The following EML6 variants were observed in gnomAD, a reference collection of about 807,000 sequenced individuals.
EML6 encodes the protein EMAP like 6, also known as echinoderm microtubule-associated protein-like 6.
In EML6, 154 loss-of-function variants were observed where a neutral mutation model predicts 240.1. That is an observed-to-expected ratio of 0.64 (90% CI 0.56 to 0.73). EML6 has a LOEUF of 0.73. EML6 is among the 30% of genes least tolerant of loss of function. The probability of loss-of-function intolerance (pLI) is 0.00; values close to 1 mark genes in which losing one functional copy is unlikely to be tolerated. For missense variants in EML6, 2,964 were observed against 2,474.6 expected, an observed-to-expected ratio of 1.20 and a Z score of -4.20; for synonymous variants, 1,148 against 899.0, an observed-to-expected ratio of 1.28 and a Z score of -4.95.
In EML6 at chr2:54,928,472, G is replaced by T; in HGVS notation, c.3835G>T (p.Val1279Leu). ...EFVGTQESKL[V>L]DSEESDTDVE... ...TGTGGGGACCCAGGAGAGCAAGCTG[G>T]TGGACAGCGAGGAGTCAGACACCGA... Residue 1279 changes from valine to leucine, a missense_variant, in exon 27 of 42, where the codon GTG (valine) becomes TTG (leucine). Transcript: ENST00000356458. The T allele has an allele frequency of 6.5e-7, 1 of 1,549,264 alleles. No homozygotes were observed. Among genetic ancestry groups the T allele is most frequent in the Non-Finnish European group, 8.7e-7 (1 of 1,145,420 alleles).
chr2:54,825,041 T>A (rs531935674), intron 5 of EML6, among the ~76,000 whole-genome samples: 1 of 152,244 alleles, frequency 6.6e-6, no homozygotes, highest in Non-Finnish European at 1.5e-5. Context: ...GTGGGCCTTA[T>A]ACCATCTGAC....
rs570013054 is a variant in EML6, at chr2:54,886,481, TCTA to T, written c.2439-4572_2439-4570del. The stretch of plus-strand genomic sequence containing the variant: ...CACCGCGTCTGGCCTCTTTCTTTCT[TCTA>T]TTATTCAGCTTCATCTTTTACATTT... On this transcript the variant is annotated intron_variant, in intron 17 of 41. Coordinates refer to ENST00000356458, the MANE Select transcript of EML6 (RefSeq NM_001039753.4). Among the ~76,000 whole-genome samples the T allele has an allele frequency of 2.4e-4, 37 of 152,318 alleles. No individual in the cohort carries two copies. In the South Asian group the frequency reaches 7.5e-3, roughly 31 times the overall value.
intron 2 of EML6, among the ~76,000 whole-genome samples, chr2:54,786,162 A>C (rs998958677): frequency 2.6e-5 from 4 of 151,902 alleles, no homozygotes; most frequent in Non-Finnish European, 4.4e-5. Context: ...GTAGAGGAGG[A>C]GATGGCTGGG....
intron 2 of EML6, among the ~76,000 whole-genome samples, chr2:54,795,208 C>A (rs866946946): frequency 7.2e-5 from 11 of 152,116 alleles, no homozygotes; most frequent in Admixed American, 3.3e-4. Context: ...AATTGACTCA[C>A]ACTTCAGCAT....
intron 2 of EML6, among the ~76,000 whole-genome samples, chr2:54,808,914 C>A (rs1670642983): frequency 6.6e-6 from 1 of 152,198 alleles, no homozygotes; most frequent in Non-Finnish European, 1.5e-5. Context: ...CTCTGCAGTG[C>A]TTTCTATTGC....
chr2:54,830,953 T>C (rs563513612), intron 7 of EML6, among the ~76,000 whole-genome samples: 3 of 152,300 alleles, frequency 2.0e-5, no homozygotes, highest in East Asian at 3.9e-4. Flanking sequence ...TCTACCTCAA[T>C]GTAGGGACAA....
intron 26 of EML6, among the ~76,000 whole-genome samples, chr2:54,926,865 C>T (rs1015215571): frequency 9.9e-5 from 15 of 152,100 alleles, no homozygotes; most frequent in African/African-American, 3.6e-4. Context: ...TTTCTTTTTG[C>T]ATTTTTTCTT....
At chr2:54,828,073 A>G (rs1204481507) in intron 6 of EML6, among the ~76,000 whole-genome samples, 1 of 152,206 alleles carries the variant, frequency 6.6e-6, no homozygotes, top group East Asian at 1.9e-4. Flanking sequence ...TTTCTGGGGA[A>G]TCATGTTAAA....
At position 54,854,980 on chromosome 2, in the gene EML6, T is replaced by G. The variant is rs540870360; in HGVS notation, c.1657+1125T>G. On this transcript the variant is annotated intron_variant, in intron 11 of 41. Coordinates refer to ENST00000356458, the MANE Select transcript of EML6 (RefSeq NM_001039753.4). ...CAGTGGCAACACTACTGGTCTCTAG[T>G]GTCAGAACTTGGGAATAAACATAAC... Among the ~76,000 whole-genome samples the G allele has an allele frequency of 2.6e-5, 4 of 152,344 alleles. No homozygotes were observed. In the South Asian group the frequency reaches 8.3e-4, roughly 32 times the overall value.
Position 54,933,908 on chromosome 2 carries a change from C to G in EML6, c.4004+5157C>G, listed in dbSNP as rs113562036. 7.9e-3 allele frequency among the ~76,000 whole-genome samples: 1,209 copies of G among 152,204 alleles called. 16 individuals are homozygous for G. Among genetic ancestry groups the G allele is most frequent in the African/African-American group, 0.028 (1,142 of 41,506 alleles). On this transcript the variant is annotated intron_variant, in intron 28 of 41. Transcript: ENST00000356458. Reference sequence around the variant, plus strand: ...AGGTCCAGATAAAGCCCCTCATGGTCCTGTGGCTAATGATAATATTAACCA... The same window carrying G: ...AGGTCCAGATAAAGCCCCTCATGGTGCTGTGGCTAATGATAATATTAACCA...
intron 26 of EML6, among the ~76,000 whole-genome samples, chr2:54,924,243 C>G (rs1370232043): frequency 6.6e-6 from 1 of 152,072 alleles, no homozygotes; most frequent in African/African-American, 2.4e-5. Flanking sequence ...TGTAAGAGTT[C>G]CAGTTGCTGA....
At chr2:54,941,491 T>C (rs955916663) in intron 28 of EML6, among the ~76,000 whole-genome samples, 2 of 152,238 alleles carry the variant, frequency 1.3e-5, no homozygotes, top group Non-Finnish European at 2.9e-5. Flanking sequence ...AATAGCTGTT[T>C]TGTGGGCCTG....
upstream of EML6, chr2:54,723,592 A>G (rs1472847069): frequency 4.6e-5 from 7 of 152,242 alleles, no homozygotes; most frequent in East Asian, 3.9e-4. Context: ...GCTGAGGTTC[A>G]CTAGCGCGGC....
intron 17 of EML6, among the ~76,000 whole-genome samples, chr2:54,890,122 C>A (rs192912881): frequency 6.6e-6 from 1 of 152,120 alleles, no homozygotes; most frequent in East Asian, 1.9e-4. Flanking sequence ...TTGTCAAATA[C>A]CTTTTCAGCA....
intron 2 of EML6, among the ~76,000 whole-genome samples, chr2:54,727,044 C>T (rs1391992121): frequency 6.6e-6 from 1 of 152,116 alleles, no homozygotes; most frequent in African/African-American, 2.4e-5. Flanking sequence ...TGCAGTAAAC[C>T]GTTGTTATGA....
At position 54,829,400 on chromosome 2, in the gene EML6, G is replaced by C. The variant is rs1471800699; in HGVS notation, c.770G>C (p.Gly257Ala). 2 of 1,551,574 alleles carry C rather than the reference G, an allele frequency of 1.3e-6. No homozygotes were observed. The highest frequency in any genetic ancestry group is 2.0e-5 in the Admixed American group (1 of 50,992). ...GGCTTTGCCACTGGTGGGCGAGATG[G>C]GTGTATACGACTGTGGGACACTGAT... ...EEGFATGGRDGCIRLWDTDFK... is the reference protein window; with the variant it reads ...EEGFATGGRDACIRLWDTDFK... Residue 257 changes from glycine to alanine, a missense_variant, in exon 7 of 42, where the codon GGG becomes GCG. Coordinates refer to ENST00000356458, the MANE Select transcript of EML6 (RefSeq NM_001039753.4).
chr2:54,808,774 C>G (rs1390751141), intron 2 of EML6, among the ~76,000 whole-genome samples: 4 of 152,100 alleles, frequency 2.6e-5, no homozygotes, highest in African/African-American at 9.7e-5. Context: ...TGATTCTCAT[C>G]TTTTCTTTTT....
chr2:54,844,240 C>A lies in EML6; in HGVS notation c.1041C>A (p.Arg347=). ...TGGCTGTGACAGGCAGCGATGACCG[C>A]TCTGTCAGGTGAGGCCCTACCGCCG... ...KPLAVTGSDD[R]SVRLWSLADH... The change falls in exon 8 of 42, where the codon CGC becomes CGA. Residue 347 remains arginine, a synonymous_variant. Coordinates refer to ENST00000356458, the MANE Select transcript of EML6 (RefSeq NM_001039753.4). 6.4e-7 allele frequency: 1 copy of A among 1,551,364 alleles called. No individual in the cohort carries two copies. Among genetic ancestry groups the A allele is most frequent in the Non-Finnish European group, 8.7e-7 (1 of 1,146,684 alleles).
At chr2:54,800,582 T>A (rs1041641931) in intron 2 of EML6, among the ~76,000 whole-genome samples, 1 of 152,146 alleles carries the variant, frequency 6.6e-6, no homozygotes, top group African/African-American at 2.4e-5. Flanking sequence ...CTCAAAGATA[T>A]AACGGCACCC....
Sources: allele counts gnomAD v4.1 joint callset (sites outside exome capture counted in the v4.1 genomes callset), GRCh38; gene constraint gnomAD v4.1.1; transcripts MANE v1.5; gene names NCBI Gene and HGNC (gene_info 2026-07-23, HGNC 2026-07-21).